Variants in CSMD1 observed in about 807,000 individuals in gnomAD.
CSMD1 encodes the protein CUB and Sushi multiple domains 1, also known as CUB and sushi domain-containing protein 1.
In CSMD1, 213 loss-of-function variants were observed where a neutral mutation model predicts 417.5. The observed-to-expected ratio is 0.51, with a 90% CI of 0.46 to 0.57. The LOEUF is 0.57. CSMD1 is among the 20% of genes least tolerant of loss of function. The pLI is 0.00. For missense variants in CSMD1, 6,923 were observed against 4,529.7 expected (o/e 1.53, Z -15.17); for synonymous variants, 2,862 against 1,736.8 (o/e 1.65, Z -16.11).
At chr8:4,069,354 G>C (rs1799425554) in intron 3 of CSMD1, among the ~76,000 whole-genome samples, 2 of 152,274 alleles carry the variant, frequency 1.3e-5, no homozygotes, top group African/African-American at 4.8e-5. Context: ...ACAGGTAGTT[G>C]AACCACTGGT....
intron 2 of CSMD1, among the ~76,000 whole-genome samples, chr8:4,485,766 G>T (rs970261456): frequency 6.6e-6 from 1 of 152,084 alleles, no homozygotes; most frequent in African/African-American, 2.4e-5. Context: ...CTTTTCCAAA[G>T]TTGGTGACAT....
At chr8:4,822,153 C>G (rs185165561) in intron 1 of CSMD1, among the ~76,000 whole-genome samples, 1 of 151,940 alleles carries the variant, frequency 6.6e-6, no homozygotes, top group Admixed American at 6.6e-5. Flanking sequence ...TTATAAGCCT[C>G]TGAATTTACT....
chr8:3,810,683 T>C (rs907252163), intron 5 of CSMD1, among the ~76,000 whole-genome samples: 8 of 152,174 alleles, frequency 5.3e-5, no homozygotes, highest in African/African-American at 9.7e-5. Context: ...TGGGATAGAA[T>C]AGAAGGAAAT....
intron 1 of CSMD1, among the ~76,000 whole-genome samples, chr8:4,675,587 G>C (rs1300267613): frequency 3.9e-5 from 6 of 152,132 alleles, no homozygotes; most frequent in African/African-American, 1.4e-4. Context: ...AGTTGAGGTG[G>C]TAGTAGCAGC....
At chr8:3,508,159 G>C (rs767936708) in intron 10 of CSMD1, among the ~76,000 whole-genome samples, 8 of 152,256 alleles carry the variant, frequency 5.3e-5, no homozygotes, top group Middle Eastern at 3.4e-3. Flanking sequence ...TCACTCATAG[G>C]TGGGAATTGA....
intron 11 of CSMD1, among the ~76,000 whole-genome samples, chr8:3,490,321 G>C (rs1358953517): frequency 1.3e-5 from 2 of 152,114 alleles, no homozygotes; most frequent in Non-Finnish European, 2.9e-5. Context: ...TTCTGTCAAT[G>C]TAATACATAG....
At chr8:4,385,821 T>C (rs1025569271) in intron 3 of CSMD1, among the ~76,000 whole-genome samples, 1 of 152,156 alleles carries the variant, frequency 6.6e-6, no homozygotes, top group Non-Finnish European at 1.5e-5. Context: ...TTAAAAATTA[T>C]TTTGTGTTTC....
chr8:4,194,374 C>G (rs1799211254), intron 3 of CSMD1, among the ~76,000 whole-genome samples: 1 of 152,136 alleles, frequency 6.6e-6, no homozygotes, highest in Non-Finnish European at 1.5e-5. Context: ...TGATATTGCT[C>G]ACATTGGCAT....
intron 3 of CSMD1, among the ~76,000 whole-genome samples, chr8:4,153,254 C>G (rs1045031308): frequency 9.2e-5 from 14 of 152,196 alleles, no homozygotes; most frequent in Admixed American, 8.5e-4. Context: ...AGAAATGATA[C>G]ATACGGCTAT....
At chr8:4,468,348 CA>C (rs1018795158) in intron 2 of CSMD1, among the ~76,000 whole-genome samples, 41 of 152,244 alleles carry the variant, frequency 2.7e-4, no homozygotes, top group African/African-American at 9.6e-4. Flanking sequence ...GGTGTTATCA[CA>C]AAACCTTTTA....
At chr8:4,278,819 T>C (rs1585146684) in intron 3 of CSMD1, among the ~76,000 whole-genome samples, 1 of 152,298 alleles carries the variant, frequency 6.6e-6, no homozygotes, top group South Asian at 2.1e-4. Context: ...AATTTGGCTC[T>C]TGGAGTATTT....
At position 4,185,122 on chromosome 8, in the gene CSMD1, G is replaced by C. The variant is rs557845030; in HGVS notation, c.416-153023C>G. Among the ~76,000 whole-genome samples, 15 of 118,058 alleles carry C rather than the reference G, an allele frequency of 1.3e-4. No homozygotes were observed. The Admixed American group carries it at 1.3e-3, about 10-fold the overall frequency. The allele number at this position is 118,058 out of a possible 152,430, so 77.5% of individuals were successfully genotyped here. ...CCACTGCACTCCAGCCTGGGCACCT[G>C]AGTGAAATTTTGCCTCAAAAAAAAA... On this transcript the variant is annotated intron_variant, in intron 3 of 69. Coordinates refer to ENST00000635120, the MANE Select transcript of CSMD1 (RefSeq NM_033225.6).
intron 5 of CSMD1, among the ~76,000 whole-genome samples, chr8:3,869,146 C>T (rs777920163): frequency 6.6e-5 from 10 of 152,268 alleles, no homozygotes; most frequent in East Asian, 5.8e-4. Context: ...CACCTGTCTC[C>T]ACACCGTGCC....
chr8:3,408,832 T>A (rs1430739043), intron 13 of CSMD1, among the ~76,000 whole-genome samples: 1 of 152,164 alleles, frequency 6.6e-6, no homozygotes, highest in Non-Finnish European at 1.5e-5. Context: ...GAGAAACTGT[T>A]GGATTTATCT....
chr8:3,843,354 T>C (rs529141915), intron 5 of CSMD1, among the ~76,000 whole-genome samples: 42 of 152,310 alleles, frequency 2.8e-4, no homozygotes, highest in African/African-American at 9.6e-4. Flanking sequence ...ATTTACTGAA[T>C]ATTTATTGTG....
At chr8:4,956,984 C>T (rs1028686358) in intron 1 of CSMD1, among the ~76,000 whole-genome samples, 2 of 152,196 alleles carry the variant, frequency 1.3e-5, no homozygotes, top group Non-Finnish European at 2.9e-5. Context: ...GCTCCTGATT[C>T]TTGTGTCTGC....
Position 3,743,029 on chromosome 8 carries a change from C to G in CSMD1, c.931+10901G>C, listed in dbSNP as rs901509360. 5.9e-5 allele frequency among the ~76,000 whole-genome samples: 9 copies of G among 152,220 alleles called. 1 individual carries two copies. The South Asian group carries it at 1.7e-3, about 28-fold the overall frequency. On this transcript the variant is annotated intron_variant, in intron 6 of 69. Transcript: ENST00000635120. ...ACCCTTGGAACATACGCCTAGCACA[C>G]TTGTCTCACTTGACCGCCATGGTCC...
At chr8:3,354,838 G>C (rs949316197) in intron 21 of CSMD1, among the ~76,000 whole-genome samples, 4 of 87,940 alleles carry the variant, frequency 4.5e-5, no homozygotes, top group Admixed American at 4.2e-4. Flanking sequence ...TACATATATA[G>C]ATACACTAAA....
intron 3 of CSMD1, among the ~76,000 whole-genome samples, chr8:4,366,000 G>A (rs1366701175): frequency 3.3e-5 from 5 of 152,078 alleles, no homozygotes; most frequent in Non-Finnish European, 7.4e-5. Flanking sequence ...TGTTGTTGAG[G>A]CTTGATTTAG....
Sources: gnomAD v4.1 joint callset for allele counts (sites outside exome capture counted in the v4.1 genomes callset) on GRCh38, gnomAD v4.1.1 for gene constraint, MANE v1.5 for transcripts, NCBI Gene and HGNC (gene_info 2026-07-23, HGNC 2026-07-21) for gene names.